Variants in COLEC10 observed in about 807,000 individuals in gnomAD.
The protein encoded by COLEC10 is collectin-10.
In COLEC10, 22 loss-of-function variants were observed where a neutral mutation model predicts 28.4. The ratio of observed to expected loss-of-function variants is 0.78; its 90% CI spans 0.55 to 1.11. The LOEUF (loss-of-function observed/expected upper bound fraction) is 1.11. Ranked by LOEUF, COLEC10 falls within the 50% of genes least tolerant of loss-of-function variation. The pLI is 0.00. For synonymous variants in COLEC10, 125 were observed against 116.1 expected (o/e 1.08, Z -0.49); for missense variants, 361 against 344.1 (o/e 1.05, Z -0.39).
chr8:119,019,526 C>T (rs1369632306), intron 2 of COLEC10, among the ~76,000 whole-genome samples: 2 of 152,100 alleles, frequency 1.3e-5, no homozygotes, highest in Admixed American at 6.5e-5. Flanking sequence ...GCCCCCACCA[C>T]CCCACTTCCA....
intron 2 of COLEC10, among the ~76,000 whole-genome samples, chr8:119,050,947 C>T (rs1163579657): frequency 6.6e-6 from 1 of 152,008 alleles, no homozygotes; most frequent in East Asian, 1.9e-4. Flanking sequence ...AACGAGAAGG[C>T]TAAACTATTA....
chr8:119,051,206 C>A (rs757372956), intron 2 of COLEC10, among the ~76,000 whole-genome samples: 2 of 151,968 alleles, frequency 1.3e-5, no homozygotes, highest in Non-Finnish European at 2.9e-5. Flanking sequence ...TAAATAAAAG[C>A]ATGAATTATA....
At chr8:119,017,018 C>G (rs1013294859) in intron 2 of COLEC10, among the ~76,000 whole-genome samples, 1 of 152,080 alleles carries the variant, frequency 6.6e-6, no homozygotes, top group Non-Finnish European at 1.5e-5. Context: ...TGGCTGTTTC[C>G]TGATTTTTTA....
At chr8:119,047,394 A>G (rs1345104756) in intron 2 of COLEC10, among the ~76,000 whole-genome samples, 1 of 152,180 alleles carries the variant, frequency 6.6e-6, no homozygotes, top group African/African-American at 2.4e-5. Context: ...TCAAGCCTCT[A>G]TGTGTACTCA....
At chr8:119,038,260 C>T (rs1428901132) in intron 2 of COLEC10, among the ~76,000 whole-genome samples, 1 of 152,148 alleles carries the variant, frequency 6.6e-6, no homozygotes, top group Admixed American at 6.6e-5. Context: ...CTTGAGACTA[C>T]TGGGAGAATG....
chr8:119,096,815 G>T (rs1434860736), intron 3 of COLEC10, among the ~76,000 whole-genome samples: 1 of 151,862 alleles, frequency 6.6e-6, no homozygotes, highest in Non-Finnish European at 1.5e-5. Context: ...GAACATATTT[G>T]ACTAAACTAT....
upstream of COLEC10, chr8:119,062,873 TAA>T (rs1412658755): frequency 1.3e-5 from 2 of 152,240 alleles, no homozygotes; most frequent in Non-Finnish European, 2.9e-5. Context: ...TGCATTATTT[TAA>T]AAGTCATTCT....
At chr8:119,098,291 T>C (rs1815760643) in intron 3 of COLEC10, among the ~76,000 whole-genome samples, 1 of 152,032 alleles carries the variant, frequency 6.6e-6, no homozygotes, top group African/African-American at 2.4e-5. Flanking sequence ...CAAGAAAGGC[T>C]CAAGAGTTTT....
upstream of COLEC10, among the ~76,000 whole-genome samples, chr8:118,995,139 G>A (rs779845079): frequency 3.3e-5 from 5 of 152,198 alleles, no homozygotes; most frequent in East Asian, 1.9e-4. Flanking sequence ...TATTCAGTGT[G>A]TATTGTCTTT....
At chr8:119,099,122 A>G (rs937757145) in intron 3 of COLEC10, among the ~76,000 whole-genome samples, 7 of 152,098 alleles carry the variant, frequency 4.6e-5, no homozygotes, top group African/African-American at 1.7e-4. Flanking sequence ...CGCTGAAAGC[A>G]TTATGATTTT....
intron 2 of COLEC10, among the ~76,000 whole-genome samples, chr8:119,058,429 C>T (rs138130340): frequency 2.0e-4 from 31 of 152,174 alleles, no homozygotes; most frequent in Admixed American, 1.8e-3. Context: ...CCTGCTCCCA[C>T]TCTCAGCCCC....
At chr8:119,081,733 G>A (rs542611788) in intron 1 of COLEC10, among the ~76,000 whole-genome samples, 39 of 152,282 alleles carry the variant, frequency 2.6e-4, no homozygotes, top group African/African-American at 8.7e-4. Flanking sequence ...AATAATATGG[G>A]AAAGTTCCAC....
At position 119,102,604 on chromosome 8, in the gene COLEC10, A is replaced by T. The variant is rs1399436236; in HGVS notation, c.346+203A>T. On this transcript the variant is annotated intron_variant, in intron 4 of 5. Coordinates refer to ENST00000332843, the MANE Select transcript of COLEC10 (RefSeq NM_006438.5). ...AAGCCTTGGGGACAGGGATGATGAC[A>T]CGTTTCATCCCTGCCATGCTTACTA... 14 of 493,260 alleles carry T rather than the reference A, an allele frequency of 2.8e-5. No homozygotes were observed. In the East Asian group the frequency reaches 4.8e-4, roughly 17 times the overall value. The allele number at this position is 493,260 out of a possible 1,614,324, so 30.6% of individuals were successfully genotyped here.
chr8:119,081,461 A>G (rs954869829), intron 1 of COLEC10, among the ~76,000 whole-genome samples: 3 of 152,136 alleles, frequency 2.0e-5, no homozygotes, highest in Admixed American at 1.3e-4. Flanking sequence ...TCATTCGTTT[A>G]TAAACTTTGC....
chr8:119,049,132 T>A (rs537759940), intron 2 of COLEC10, among the ~76,000 whole-genome samples: 1 of 152,310 alleles, frequency 6.6e-6, no homozygotes, highest in South Asian at 2.1e-4. Context: ...GGTTGGAATT[T>A]CTTTTATTTA....
At chr8:119,039,381 C>T (rs1468311280) in intron 2 of COLEC10, among the ~76,000 whole-genome samples, 1 of 152,120 alleles carries the variant, frequency 6.6e-6, no homozygotes, top group Non-Finnish European at 1.5e-5. Flanking sequence ...AAAGTTAATG[C>T]TTATTTAACT....
intron 2 of COLEC10, among the ~76,000 whole-genome samples, chr8:119,048,152 C>T (rs931892064): frequency 1.3e-5 from 2 of 152,112 alleles, no homozygotes; most frequent in African/African-American, 2.4e-5. Flanking sequence ...CCTCCTTCCC[C>T]GCCTCTAGCA....
At chr8:118,991,213 A>C (rs1813501288), upstream of COLEC10, among the ~76,000 whole-genome samples, 1 of 152,130 alleles carries the variant, frequency 6.6e-6, no homozygotes, top group African/African-American at 2.4e-5. Flanking sequence ...GACTGGGCTT[A>C]AGGCCACACT....
At chr8:118,976,903 GA>G in the COLEC10 span, among the ~76,000 whole-genome samples, 3 of 151,262 alleles carry the variant, frequency 2.0e-5, no homozygotes, top group African/African-American at 7.3e-5. Flanking sequence ...AAATTTACAA[GA>G]AAAAAACAAA....
Sources: allele counts gnomAD v4.1 joint callset (sites outside exome capture counted in the v4.1 genomes callset), GRCh38; gene constraint gnomAD v4.1.1; transcripts MANE v1.5; gene names NCBI Gene and HGNC (gene_info 2026-07-23, HGNC 2026-07-21).